ITGB3BP: variants seen among roughly 807,000 people sequenced by gnomAD.
ITGB3BP encodes the protein integrin subunit beta 3 binding protein, also known as centromere protein R.
In ITGB3BP, 27 loss-of-function variants were observed where a neutral mutation model predicts 29.1. That is an observed-to-expected ratio of 0.93 (90% CI 0.68 to 1.28). ITGB3BP has a LOEUF of 1.28. ITGB3BP is among the 50% of genes most tolerant of loss of function. The pLI is 0.00. For synonymous variants in ITGB3BP, 61 were observed against 61.4 expected (o/e 0.99, Z 0.03); for missense variants, 192 against 200.2 (o/e 0.96, Z 0.25).
At chr1:63,519,162 C>T (rs1024494899) in intron 1 of ITGB3BP, among the ~76,000 whole-genome samples, 8 of 152,024 alleles carry the variant, frequency 5.3e-5, no homozygotes, top group African/African-American at 1.9e-4. Context: ...TTACAACAAA[C>T]CCATTGTAAA....
chr1:63,476,030 CT>C (rs1017582319), intron 4 of ITGB3BP, among the ~76,000 whole-genome samples: 79 of 136,372 alleles, frequency 5.8e-4, no homozygotes, highest in East Asian at 4.7e-3. Flanking sequence ...GTATCATTTT[CT>C]TTTTTTTTTT....
intron 7 of ITGB3BP, among the ~76,000 whole-genome samples, chr1:63,448,182 G>C (rs952205512): frequency 9.5e-6 from 1 of 105,550 alleles, no homozygotes. Context: ...ACTGTTGTGG[G>C]GTGGGGGGAG....
chr1:63,450,995 AGAGT>A (rs1644852864), intron 7 of ITGB3BP, among the ~76,000 whole-genome samples: 1 of 151,942 alleles, frequency 6.6e-6, no homozygotes, highest in Non-Finnish European at 1.5e-5. Flanking sequence ...TTAAAACACT[AGAGT>A]GTTATTTTTA....
intron 1 of ITGB3BP, chr1:63,509,993 G>C: frequency 6.8e-6 from 3 of 438,346 alleles, no homozygotes; most frequent in Non-Finnish European, 1.2e-5. Flanking sequence ...AGGAGTTCGA[G>C]ACCAGCCTAA....
chr1:63,509,093 C>T (rs1307854587), intron 1 of ITGB3BP, among the ~76,000 whole-genome samples: 1 of 152,180 alleles, frequency 6.6e-6, no homozygotes, highest in Non-Finnish European at 1.5e-5. Flanking sequence ...AACTGAGGAA[C>T]AGATGCTCTA....
intron 7 of ITGB3BP, 146 bp downstream of exon 7, chr1:63,453,772 T>C (rs760790473): frequency 3.4e-6 from 2 of 580,638 alleles, no homozygotes; most frequent in Admixed American, 3.6e-5. Context: ...CAAATGAGAT[T>C]TGTGATCTTC....
At chr1:63,456,154 T>C (rs1295602504) in intron 4 of ITGB3BP, among the ~76,000 whole-genome samples, 1 of 152,146 alleles carries the variant, frequency 6.6e-6, no homozygotes, top group Non-Finnish European at 1.5e-5. Flanking sequence ...TCAGTGTTAG[T>C]CATTGACATT....
upstream of ITGB3BP, chr1:63,525,481 T>C: frequency 9.3e-7 from 1 of 1,074,096 alleles, no homozygotes; most frequent in South Asian, 2.4e-5. Flanking sequence ...TATAAAATCT[T>C]GATTCTCCTC....
intron 4 of ITGB3BP, among the ~76,000 whole-genome samples, chr1:63,462,610 CTT>C: frequency 6.6e-6 from 1 of 152,266 alleles, no homozygotes; most frequent in East Asian, 1.9e-4. Context: ...AAATAATTCT[CTT>C]TTTAAGATTG....
At chr1:63,517,927 T>C (rs188830674) in intron 1 of ITGB3BP, among the ~76,000 whole-genome samples, 3 of 152,276 alleles carry the variant, frequency 2.0e-5, no homozygotes, top group African/African-American at 7.2e-5. Flanking sequence ...TTTGCCATAT[T>C]GCCCAGGCTA....
At chr1:63,515,663 T>A (rs1479908223) in intron 1 of ITGB3BP, among the ~76,000 whole-genome samples, 1 of 151,356 alleles carries the variant, frequency 6.6e-6, no homozygotes, top group East Asian at 2.0e-4. Flanking sequence ...CCATCTCTAC[T>A]AAAAATACAA....
chr1:63,451,018 C>T lies in ITGB3BP; in HGVS notation c.484+2900G>A, dbSNP rs149347964. Among the ~76,000 whole-genome samples, 44 of 151,996 alleles carry T rather than the reference C, an allele frequency of 2.9e-4. No individual in the cohort carries two copies. The East Asian group carries it at 5.8e-3, about 20-fold the overall frequency. Reference sequence around the variant, plus strand: ...CTAGAGTGTTATTTTTATAATTCTACTCTTCCTGTAATAAAGACTGTAACT... The same window carrying T: ...CTAGAGTGTTATTTTTATAATTCTATTCTTCCTGTAATAAAGACTGTAACT... On this transcript the variant is annotated intron_variant, in intron 7 of 8. Coordinates refer to ENST00000271002, the MANE Select transcript of ITGB3BP (RefSeq NM_014288.5).
rs118087421 is a variant in ITGB3BP at position 63,466,156 on chromosome 1, G to T, written c.255-11188C>A. The stretch of plus-strand genomic sequence containing the variant: ...TCGCCTTCCATGGAGCCATGGCATT[G>T]ATCCAGGAGCTTTCACCTTTTATGT... On this transcript the variant is annotated intron_variant, in intron 4 of 8. Transcript: ENST00000271002. Among the ~76,000 whole-genome samples, 545 of 152,314 alleles carry T rather than the reference G, an allele frequency of 3.6e-3. 20 individuals carry two copies. The East Asian group carries it at 0.087, about 24-fold the overall frequency.
intron 2 of ITGB3BP, among the ~76,000 whole-genome samples, chr1:63,501,797 G>A (rs1645936854): frequency 6.6e-6 from 1 of 151,944 alleles, no homozygotes. Flanking sequence ...AGAAGGTTGA[G>A]GCTGCAGTGA....
At chr1:63,459,139 CACCCA>C (rs1644976774) in intron 4 of ITGB3BP, among the ~76,000 whole-genome samples, 1 of 151,972 alleles carries the variant, frequency 6.6e-6, no homozygotes, top group South Asian at 2.1e-4. Flanking sequence ...TTTTGCTGAG[CACCCA>C]ATGCTGCTTA....
At chr1:63,467,957 A>C (rs956002872) in intron 4 of ITGB3BP, among the ~76,000 whole-genome samples, 1 of 152,190 alleles carries the variant, frequency 6.6e-6, no homozygotes, top group Non-Finnish European at 1.5e-5. Context: ...TTGGAGGGAT[A>C]CTAGAGTATC....
chr1:63,488,912 ATC>A (rs1391796210), intron 3 of ITGB3BP, among the ~76,000 whole-genome samples: 2 of 152,066 alleles, frequency 1.3e-5, no homozygotes, highest in African/African-American at 2.4e-5. Flanking sequence ...CATGTGACCA[ATC>A]TTTTTATGGG....
chr1:63,485,451 A>C (rs1645509745), intron 3 of ITGB3BP, among the ~76,000 whole-genome samples: 1 of 146,412 alleles, frequency 6.8e-6, no homozygotes. Flanking sequence ...CCCGCCCTCC[A>C]ATTGTTTGTT....
chr1:63,520,898 T>C (rs1431018275), intron 1 of ITGB3BP, among the ~76,000 whole-genome samples: 1 of 152,210 alleles, frequency 6.6e-6, no homozygotes, highest in African/African-American at 2.4e-5. Context: ...TCTTAAGTTT[T>C]ATAAGGATAA....
Sources: gnomAD v4.1 joint callset for allele counts (sites outside exome capture counted in the v4.1 genomes callset) on GRCh38, gnomAD v4.1.1 for gene constraint, MANE v1.5 for transcripts, NCBI Gene and HGNC (gene_info 2026-07-23, HGNC 2026-07-21) for gene names.